The following ETV1 variants were observed in gnomAD, a reference collection of about 807,000 sequenced individuals.
The protein encoded by ETV1 is ETS translocation variant 1.
A neutral mutation model predicts 62.3 loss-of-function variants in ETV1; 27 were observed. The observed-to-expected ratio is 0.43, with a 90% CI of 0.32 to 0.60. The LOEUF (loss-of-function observed/expected upper bound fraction) is 0.60, where lower values mean the gene tolerates loss of function less well. ETV1 is among the 20% of genes least tolerant of loss of function. The probability of loss-of-function intolerance (pLI) is 0.06; values close to 1 mark genes in which losing one functional copy is unlikely to be tolerated. For missense variants in ETV1, 605 were observed against 605.8 expected (o/e 1.00, Z 0.01); for synonymous variants, 222 against 199.6 (o/e 1.11, Z -0.94).
intron 6 of ETV1, among the ~76,000 whole-genome samples, chr7:13,967,978 T>C (rs1191443335): frequency 6.6e-6 from 1 of 152,114 alleles, no homozygotes; most frequent in Non-Finnish European, 1.5e-5. Flanking sequence ...AAAAGTATAA[T>C]ATTTGGTTCT....
chr7:13,990,137 A>G (rs911451073), upstream of ETV1, among the ~76,000 whole-genome samples: 11 of 152,044 alleles, frequency 7.2e-5, no homozygotes, highest in African/African-American at 1.4e-4. Context: ...CCTGACTAGG[A>G]GCTCACCTCG....
upstream of ETV1, chr7:13,989,810 T>A: frequency 2.6e-6 from 1 of 386,646 alleles, no homozygotes; most frequent in Non-Finnish European, 4.6e-6. Context: ...TTGCTGCCCC[T>A]TCCCGCGGGT....
intron 3 of ETV1, 99 bp from the exon 4 acceptor site, chr7:13,988,272 A>T: frequency 1.4e-6 from 1 of 726,352 alleles, no homozygotes; most frequent in Non-Finnish European, 2.4e-6. Context: ...ATGCATACAT[A>T]AGTCTAATGG....
chr7:13,913,368 C>G (rs990564945), intron 9 of ETV1, among the ~76,000 whole-genome samples: 12 of 152,186 alleles, frequency 7.9e-5, no homozygotes, highest in Non-Finnish European at 2.9e-5. Flanking sequence ...TCTGATAGAA[C>G]TGATTTTGAA....
intron 9 of ETV1, among the ~76,000 whole-genome samples, chr7:13,931,022 G>A (rs551858472): frequency 1.0e-4 from 15 of 150,542 alleles, no homozygotes; most frequent in Non-Finnish European, 2.2e-4. Context: ...GGGTGGCCTC[G>A]ATCTCGGTCT....
intron 5 of ETV1, among the ~76,000 whole-genome samples, chr7:13,984,837 C>CTAT (rs1168031792): frequency 2.6e-5 from 4 of 151,654 alleles, no homozygotes; most frequent in African/African-American, 7.3e-5. Flanking sequence ...CGGAGAAAGA[C>CTAT]TATTCTCTGC....
At chr7:13,969,943 A>G (rs1780700680) in intron 6 of ETV1, among the ~76,000 whole-genome samples, 1 of 152,094 alleles carries the variant, frequency 6.6e-6, no homozygotes. Context: ...CCTACTCTGT[A>G]CATAAACTGC....
intron 11 of ETV1, among the ~76,000 whole-genome samples, chr7:13,909,421 A>T (rs537958763): frequency 6.6e-6 from 1 of 152,280 alleles, no homozygotes; most frequent in South Asian, 2.1e-4. Flanking sequence ...TTTCTCCAAA[A>T]ATGAACTCCC....
chr7:13,916,038 T>G lies in ETV1; in HGVS notation c.803-4731A>C, dbSNP rs1011151595. On this transcript the variant is annotated intron_variant, in intron 9 of 13. Transcript: ENST00000430479. The stretch of plus-strand genomic sequence containing the variant: ...GATGCGAATGTAACATCTTAGTTAC[T>G]GAACTTCACATGAATGTAACATCTT... Among the ~76,000 whole-genome samples, 3 of 152,144 alleles carry G rather than the reference T, an allele frequency of 2.0e-5. No homozygotes were observed. In the South Asian group the frequency reaches 6.2e-4, roughly 31 times the overall value.
rs998808592 is a variant in ETV1, at chr7:13,989,057, C to CA, written c.-6_-5insT. ...CTGGTCATAAAATCCATCCATGCTG[C>CA]TGCTCTTCGCAAATCTCAGCTCAGT... On this transcript the variant is annotated 5_prime_UTR_variant, in exon 3 of 14. In the 5' UTR this introduces an upstream ATG that the reference lacks. Coordinates refer to ENST00000430479, the MANE Select transcript of ETV1 (RefSeq NM_004956.5). The CA allele has an allele frequency of 8.1e-6, 13 of 1,597,856 alleles. No homozygotes were observed. The highest frequency in any genetic ancestry group is 8.5e-6 in the Non-Finnish European group (10 of 1,172,720).
At chr7:13,967,824 C>T (rs955110376) in intron 6 of ETV1, among the ~76,000 whole-genome samples, 1 of 152,064 alleles carries the variant, frequency 6.6e-6, no homozygotes, top group Admixed American at 6.5e-5. Flanking sequence ...ATGAAACTTA[C>T]ATATTCTATG....
intron 6 of ETV1, among the ~76,000 whole-genome samples, chr7:13,969,357 T>C (rs891243500): frequency 6.6e-6 from 1 of 152,218 alleles, no homozygotes; most frequent in Admixed American, 6.5e-5. Flanking sequence ...GATTCCCTAG[T>C]ATATTTTAAA....
intron 12 of ETV1, among the ~76,000 whole-genome samples, chr7:13,905,024 G>A (rs1006845779): frequency 1.3e-5 from 2 of 150,290 alleles, no homozygotes; most frequent in African/African-American, 4.9e-5. Flanking sequence ...TGTGGGGCAA[G>A]GGAGATACTG....
chr7:13,967,543 G>T (rs942028415), intron 6 of ETV1, among the ~76,000 whole-genome samples: 3 of 151,922 alleles, frequency 2.0e-5, no homozygotes, highest in African/African-American at 7.2e-5. Flanking sequence ...ACTGTCAAAT[G>T]CAAATAGTGC....
At chr7:13,938,260 T>G (rs549905647) in intron 7 of ETV1, among the ~76,000 whole-genome samples, 3 of 152,274 alleles carry the variant, frequency 2.0e-5, no homozygotes, top group Admixed American at 2.0e-4. Flanking sequence ...TTCTAGAATC[T>G]TACATATCTT....
In ETV1 at chr7:13,986,658, T is replaced by C; in HGVS notation, c.161A>G (p.Gln54Arg). ...EELFQDLSQL[Q>R]ETWLAEAQVP... is the part of the protein sequence containing the mutation. ...CTTACCTTCTGCAAGCCATGTTTCC[T>C]GTAATTGACTTAGATCTTGAAAGAG... Residue 54 changes from glutamine (Q) to arginine (R), a missense_variant, in exon 5 of 14, where the codon CAG (glutamine) becomes CGG (arginine). Physicochemically the swap from Gln to Arg is conservative, Grantham distance 43. Around this residue, in one of 3 missense-constraint regions of ETV1, gnomAD observed 426 missense variants for 377.8 expected, o/e 1.13. Coordinates refer to ENST00000430479, the MANE Select transcript of ETV1 (RefSeq NM_004956.5). The C allele has an allele frequency of 6.2e-7, 1 of 1,612,370 alleles. No homozygotes were observed.
At chr7:13,954,614 A>T (rs920223157) in intron 6 of ETV1, among the ~76,000 whole-genome samples, 6 of 152,204 alleles carry the variant, frequency 3.9e-5, no homozygotes, top group Non-Finnish European at 8.8e-5. Context: ...CTTTTGATAC[A>T]TCATTTCACA....
In ETV1 at chr7:13,931,669, T is replaced by G; in HGVS notation, c.635A>C (p.Gln212Pro). The change falls in exon 9 of 14, where the codon CAA (glutamine) becomes CCA (proline). Residue 212 changes from glutamine to proline, a missense_variant. Transcript: ENST00000430479. ...GATGTTTGGCTCAGACATCTGGCGTTGGTACATAGGACGTCCTTCCCTTGG... is the reference window on the plus strand; with the variant it reads ...GATGTTTGGCTCAGACATCTGGCGTGGGTACATAGGACGTCCTTCCCTTGG... ...TMPREGRPMYQRQMSEPNIPF... is the reference protein window; with the variant it reads ...TMPREGRPMYPRQMSEPNIPF... 6.2e-7 allele frequency: 1 copy of G among 1,613,942 alleles called. No individual in the cohort carries two copies.
intron 13 of ETV1, 149 bp from the exon 14 acceptor site, chr7:13,896,236 TAAA>T: frequency 6.2e-6 from 3 of 481,546 alleles, no homozygotes; most frequent in Non-Finnish European, 1.1e-5. Flanking sequence ...CAGATACACA[TAAA>T]AAAAAAAAAG....
Sources: allele counts gnomAD v4.1 joint callset (sites outside exome capture counted in the v4.1 genomes callset), GRCh38; gene constraint gnomAD v4.1.1; regional missense constraint gnomAD v4.1.1; transcripts MANE v1.5; gene names NCBI Gene and HGNC (gene_info 2026-07-23, HGNC 2026-07-21).